ESRRB: variants seen among roughly 807,000 people sequenced by gnomAD.
ESRRB encodes estrogen related receptor beta.
Under a neutral mutation model 46.0 loss-of-function variants are expected in ESRRB, and 16 were observed. That is an observed-to-expected ratio of 0.35 (90% CI 0.24 to 0.53). The LOEUF (loss-of-function observed/expected upper bound fraction) is 0.53. Among genes scored for constraint, ESRRB ranks in the 20% least tolerant of loss-of-function variants. The pLI is 0.93. For missense variants in ESRRB, 488 were observed against 607.4 expected (o/e 0.80, Z 2.07); for synonymous variants, 246 against 259.6 (o/e 0.95, Z 0.50).
chr14:76,432,591 C>G (rs1887495555), intron 1 of ESRRB, among the ~76,000 whole-genome samples: 1 of 151,986 alleles, frequency 6.6e-6, no homozygotes, highest in Admixed American at 6.6e-5. Flanking sequence ...ACTCAATGCC[C>G]CCCTCTGCCA....
chr14:76,352,535 C>T (rs551926747), intron 1 of ESRRB, among the ~76,000 whole-genome samples: 1 of 152,308 alleles, frequency 6.6e-6, no homozygotes, highest in South Asian at 2.1e-4. Flanking sequence ...TACAGGGCAC[C>T]GGTTGGGGGC....
rs376630316 is a variant in ESRRB, at chr14:76,441,027, G to A, written c.460+1277G>A. Among the ~76,000 whole-genome samples the A allele has an allele frequency of 1.1e-4, 17 of 152,130 alleles. No individual in the cohort carries two copies. The East Asian group carries it at 1.7e-3, about 16-fold the overall frequency. On this transcript the variant is annotated intron_variant, in intron 2 of 6. Coordinates refer to ENST00000644823, the MANE Select transcript of ESRRB (RefSeq NM_001379180.1). ...TGGGCCGCTGCACTCAGGCCTGGGCGACAGAGTGAGACTCCATCTCAAAAA... is the reference window on the plus strand; with the variant it reads ...TGGGCCGCTGCACTCAGGCCTGGGCAACAGAGTGAGACTCCATCTCAAAAA...
intron 1 of ESRRB, among the ~76,000 whole-genome samples, chr14:76,360,051 G>T (rs915599770): frequency 3.3e-5 from 5 of 152,140 alleles, no homozygotes; most frequent in East Asian, 3.8e-4. Context: ...AAGTCAGGTT[G>T]CCAGGGTCTA....
intron 1 of ESRRB, among the ~76,000 whole-genome samples, chr14:76,354,157 A>AC (rs1391039274): frequency 9.1e-5 from 10 of 109,712 alleles, no homozygotes; most frequent in Non-Finnish European, 1.4e-4. Flanking sequence ...GCCCTTCCTC[A>AC]CCCCCGGGAA....
chr14:76,483,916 C>T (rs1477606741), intron 5 of ESRRB, among the ~76,000 whole-genome samples: 2 of 152,158 alleles, frequency 1.3e-5, no homozygotes, highest in East Asian at 1.9e-4. Flanking sequence ...TGTAATGGCG[C>T]GATCTCGGCT....
Position 76,500,429 on chromosome 14 carries a change from AG to A in ESRRB, c.*1973del. ...GGGTGGAGGCACACATTTGGGGCAA[AG>A]GCCCCTTCTTGGCATCAAGGAACAC... On this transcript the variant is annotated 3_prime_UTR_variant, in exon 7 of 7. Transcript: ENST00000644823. The A allele has an allele frequency of 1.7e-6, 1 of 590,056 alleles. No individual in the cohort carries two copies. The allele number at this position is 590,056 out of a possible 1,614,324, so 36.6% of individuals were successfully genotyped here.
chr14:76,480,373 C>T (rs1889760072), intron 3 of ESRRB, among the ~76,000 whole-genome samples: 1 of 152,158 alleles, frequency 6.6e-6, no homozygotes, highest in Admixed American at 6.5e-5. Context: ...ACACCTGGGG[C>T]AGCAGAGGGG....
At chr14:76,409,095 G>A (rs1218890586) in intron 1 of ESRRB, among the ~76,000 whole-genome samples, 1 of 152,172 alleles carries the variant, frequency 6.6e-6, no homozygotes, top group Non-Finnish European at 1.5e-5. Flanking sequence ...TGTAAAATGG[G>A]AACGCCCAGG....
chr14:76,364,978 G>A (rs1292210427), intron 1 of ESRRB, among the ~76,000 whole-genome samples: 3 of 152,080 alleles, frequency 2.0e-5, no homozygotes, highest in Admixed American at 6.5e-5. Flanking sequence ...TAAGCTGTTC[G>A]GAACGAAGAA....
At chr14:76,439,042 T>C (rs1008815089) in intron 1 of ESRRB, among the ~76,000 whole-genome samples, 1 of 151,808 alleles carries the variant, frequency 6.6e-6, no homozygotes, top group African/African-American at 2.4e-5. Flanking sequence ...CAAGCGATGA[T>C]CCTCCCCGCT....
intron 1 of ESRRB, among the ~76,000 whole-genome samples, chr14:76,416,331 GC>G (rs1464739432): frequency 6.6e-6 from 1 of 151,438 alleles, no homozygotes; most frequent in Non-Finnish European, 1.5e-5. Flanking sequence ...ATGGGTTTTT[GC>G]CATGTTGGCC....
intron 3 of ESRRB, among the ~76,000 whole-genome samples, chr14:76,469,557 A>AT (rs1004011482): frequency 6.6e-6 from 1 of 152,064 alleles, no homozygotes; most frequent in Non-Finnish European, 1.5e-5. Flanking sequence ...TGTTAAAAAA[A>AT]TTTTTTTTCA....
intron 2 of ESRRB, among the ~76,000 whole-genome samples, chr14:76,461,046 C>G (rs1229830986): frequency 2.0e-5 from 3 of 151,940 alleles, no homozygotes; most frequent in Non-Finnish European, 2.9e-5. Flanking sequence ...TGCTCTCCCC[C>G]CATCGTCTTT....
At chr14:76,489,445 C>CCACACACA (rs56091857) in intron 5 of ESRRB, among the ~76,000 whole-genome samples, 28,810 of 129,482 alleles carry the variant, frequency 0.22, 3,485 homozygotes, top group South Asian at 0.38. Context: ...ATCTGGACAA[C>CCACACACA]CACACACACA....
chr14:76,429,664 C>T (rs532532249), intron 1 of ESRRB, among the ~76,000 whole-genome samples: 2 of 152,220 alleles, frequency 1.3e-5, no homozygotes, highest in East Asian at 1.9e-4. Context: ...GCAAGAGAAT[C>T]GCTTGAACCC....
At chr14:76,408,503 G>A (rs1311937959) in intron 1 of ESRRB, among the ~76,000 whole-genome samples, 10 of 148,702 alleles carry the variant, frequency 6.7e-5, no homozygotes, top group Non-Finnish European at 1.0e-4. Context: ...GTGGTGGGGC[G>A]ATTGCTTGAG....
chr14:76,433,435 C>T (rs1887539674), intron 1 of ESRRB, among the ~76,000 whole-genome samples: 1 of 152,128 alleles, frequency 6.6e-6, no homozygotes, highest in Non-Finnish European at 1.5e-5. Context: ...GGTATCGATA[C>T]CTAATTTTTA....
At chr14:76,494,451 C>A (rs1370855979) in intron 6 of ESRRB, among the ~76,000 whole-genome samples, 2 of 151,808 alleles carry the variant, frequency 1.3e-5, no homozygotes, top group Non-Finnish European at 1.5e-5. Context: ...GGATTACAGG[C>A]GCCTGCCACC....
intron 1 of ESRRB, among the ~76,000 whole-genome samples, chr14:76,383,010 T>G (rs1360587314): frequency 6.6e-6 from 1 of 152,208 alleles, no homozygotes; most frequent in African/African-American, 2.4e-5. Flanking sequence ...TTAAACAAAC[T>G]CCAACAAGCC....
Sources: allele counts gnomAD v4.1 joint callset (sites outside exome capture counted in the v4.1 genomes callset), GRCh38; gene constraint gnomAD v4.1.1; transcripts MANE v1.5; gene names NCBI Gene and HGNC (gene_info 2026-07-23, HGNC 2026-07-21).